Variants in COL11A1 observed in about 807,000 individuals in gnomAD.
The protein encoded by COL11A1 is collagen type XI alpha 1 chain, also known as collagen alpha-1(XI) chain.
Under a neutral mutation model 265.2 loss-of-function variants are expected in COL11A1, and 74 were observed. The observed-to-expected ratio is 0.28, with a 90% confidence interval of 0.23 to 0.34. The LOEUF is 0.34. Ranked by LOEUF, COL11A1 falls within the 10% of genes least tolerant of loss-of-function variation. COL11A1 has a pLI of 1.00. For synonymous variants in COL11A1, 816 were observed against 727.6 expected (o/e 1.12, Z -1.96); for missense variants, 2,165 against 2,263.6 (o/e 0.96, Z 0.88).
At chr1:103,065,770 T>G (rs1671090726) in intron 4 of COL11A1, among the ~76,000 whole-genome samples, 1 of 151,980 alleles carries the variant, frequency 6.6e-6, no homozygotes, top group African/African-American at 2.4e-5. Flanking sequence ...CTTCCTAAAT[T>G]TGTTGAAAAA....
intron 4 of COL11A1, among the ~76,000 whole-genome samples, chr1:103,070,249 A>T (rs1370416543): frequency 6.7e-6 from 1 of 149,938 alleles, no homozygotes; most frequent in Non-Finnish European, 1.5e-5. Context: ...TATTAAATAC[A>T]ATAAACATGG....
At chr1:102,994,843 T>C (rs1252264935) in intron 28 of COL11A1, among the ~76,000 whole-genome samples, 1 of 152,070 alleles carries the variant, frequency 6.6e-6, no homozygotes, top group Non-Finnish European at 1.5e-5. Flanking sequence ...AGAGGTTTAA[T>C]TGACTCACAG....
intron 14 of COL11A1, among the ~76,000 whole-genome samples, chr1:103,011,241 A>C (rs1250834508): frequency 1.3e-5 from 2 of 152,150 alleles, no homozygotes; most frequent in Non-Finnish European, 2.9e-5. Context: ...TGTAAATTTG[A>C]GTCATTAACA....
At chr1:102,919,189 C>T (rs1655688805) in intron 49 of COL11A1, among the ~76,000 whole-genome samples, 1 of 151,812 alleles carries the variant, frequency 6.6e-6, no homozygotes, top group African/African-American at 2.4e-5. Context: ...TTTCAACACA[C>T]AACTTTAAAT....
chr1:102,998,453 G>T, intron 24 of COL11A1, 90 bp from the exon 25 acceptor site: 3 of 849,066 alleles, frequency 3.5e-6, no homozygotes, highest in East Asian at 2.8e-5. Flanking sequence ...TTCTTATCCT[G>T]AGTCACTGGC....
chr1:103,002,359 C>A (rs369194481), intron 23 of COL11A1, 69 bp downstream of exon 23: 5 of 1,310,528 alleles, frequency 3.8e-6, no homozygotes, highest in Non-Finnish European at 5.4e-6. Context: ...GTGAGACTGT[C>A]GATTTTCTTA....
intron 5 of COL11A1, among the ~76,000 whole-genome samples, chr1:103,029,889 C>A (rs1395682815): frequency 1.3e-5 from 2 of 151,914 alleles, no homozygotes; most frequent in Non-Finnish European, 1.5e-5. Flanking sequence ...AGAATGCAAA[C>A]CTCCCTTCTT....
chr1:102,961,347 A>G (rs1452119329), intron 41 of COL11A1, among the ~76,000 whole-genome samples: 1 of 152,216 alleles, frequency 6.6e-6, no homozygotes, highest in Non-Finnish European at 1.5e-5. Context: ...TGCATAATAT[A>G]TAAGATTGTG....
At chr1:102,994,552 A>G (rs1664443541) in intron 28 of COL11A1, among the ~76,000 whole-genome samples, 1 of 152,088 alleles carries the variant, frequency 6.6e-6, no homozygotes, top group Non-Finnish European at 1.5e-5. Context: ...CCATAAGCCA[A>G]TTAAACCTCT....
intron 41 of COL11A1, among the ~76,000 whole-genome samples, chr1:102,954,023 T>C (rs1660137514): frequency 6.6e-6 from 1 of 152,210 alleles, no homozygotes; most frequent in Non-Finnish European, 1.5e-5. Context: ...ATGACCATAA[T>C]ATCATAAGTG....
In COL11A1 at chr1:102,940,399, A is replaced by T. The variant is rs1371771477; in HGVS notation, c.3312T>A (p.Asp1104Glu). ...EKGPQGPAGR[D>E]GVQGPVGLPG... ...GGAGACCAACAGGACCTTGAACTCC[A>T]TCTCTCCCTGCAGGCCCTTGGGGAC... The change falls in exon 43 of 67, where the codon GAT becomes GAA. Residue 1104 changes from aspartate (D) to glutamate (E), a missense_variant. Transcript: ENST00000370096. 8.7e-6 allele frequency: 14 copies of T among 1,613,948 alleles called. No individual in the cohort carries two copies. The highest frequency in any genetic ancestry group is 1.1e-5 in the South Asian group (1 of 91,078).
intron 41 of COL11A1, 78 bp downstream of exon 41, chr1:102,961,788 T>A (rs1351485757): frequency 7.6e-7 from 1 of 1,321,814 alleles, no homozygotes; most frequent in Admixed American, 1.8e-5. Flanking sequence ...CACTGTGGAA[T>A]CACAGCATGA....
chr1:102,919,782 A>C (rs1461031190), intron 49 of COL11A1, among the ~76,000 whole-genome samples: 2 of 152,122 alleles, frequency 1.3e-5, no homozygotes, highest in East Asian at 3.9e-4. Flanking sequence ...CATGCCAAAT[A>C]TTTTGACAAG....
chr1:102,988,123 A>C (rs1002786256), intron 29 of COL11A1, among the ~76,000 whole-genome samples: 1 of 152,170 alleles, frequency 6.6e-6, no homozygotes, highest in Non-Finnish European at 1.5e-5. Flanking sequence ...TACGTAGAAC[A>C]TAAGATTAGC....
At chr1:102,906,329 A>G (rs1242159715) in intron 54 of COL11A1, among the ~76,000 whole-genome samples, 1 of 152,216 alleles carries the variant, frequency 6.6e-6, no homozygotes, top group Non-Finnish European at 1.5e-5. Context: ...TCTACTTTTC[A>G]GTGAAATTAA....
intron 37 of COL11A1, among the ~76,000 whole-genome samples, chr1:102,968,438 G>A (rs1661646528): frequency 6.6e-6 from 1 of 152,038 alleles, no homozygotes; most frequent in African/African-American, 2.4e-5. Flanking sequence ...GGAAAAATTG[G>A]GAATAGTTTC....
At chr1:103,010,864 C>T (rs1210795910) in intron 14 of COL11A1, among the ~76,000 whole-genome samples, 5 of 152,014 alleles carry the variant, frequency 3.3e-5, no homozygotes, top group Admixed American at 6.6e-5. Context: ...CCACACCCGG[C>T]GAATTTTCTA....
chr1:102,933,723 T>C (rs1657810953), intron 46 of COL11A1, among the ~76,000 whole-genome samples: 1 of 152,084 alleles, frequency 6.6e-6, no homozygotes, highest in Non-Finnish European at 1.5e-5. Flanking sequence ...CTCAGACTGC[T>C]GTGCTAGCAA....
Position 103,031,249 on chromosome 1 carries a change from G to GTAAA in COL11A1, c.652-6_652-5insTTTA. The GTAAA allele has an allele frequency of 7.3e-7, 1 of 1,363,306 alleles. No homozygotes were observed. The highest frequency in any genetic ancestry group is 1.4e-5 in the African/African-American group (1 of 69,564). 84.5% of individuals were successfully genotyped at this position (1,363,306 alleles called of 1,614,324 possible). ...CAAAAACTGCTGAATGTCCCCCTGG[G>GTAAA]AAAAAAAAAAAAACAAAAACAAACA... On this transcript the variant is annotated splice_polypyrimidine_tract_variant and splice_region_variant and intron_variant, in intron 4 of 66. Coordinates refer to ENST00000370096, the MANE Select transcript of COL11A1 (RefSeq NM_001854.4).
Sources: gnomAD v4.1 joint callset for allele counts (sites outside exome capture counted in the v4.1 genomes callset) on GRCh38, gnomAD v4.1.1 for gene constraint, MANE v1.5 for transcripts, NCBI Gene and HGNC (gene_info 2026-07-23, HGNC 2026-07-21) for gene names.